The following CUBN variants were observed in gnomAD, a reference collection of about 807,000 sequenced individuals.
CUBN encodes cubilin, also known as 460 kDa receptor.
CUBN carries 282 observed loss-of-function variants against 405.3 expected under a neutral mutation model. That is an observed-to-expected ratio of 0.70 (90% CI 0.63 to 0.77). CUBN has a LOEUF of 0.77. CUBN is among the 30% of genes least tolerant of loss of function. CUBN has a pLI of 0.00. For missense variants in CUBN, 4,514 were observed against 4,475.2 expected (o/e 1.01, Z -0.25); for synonymous variants, 1,684 against 1,617.0 (o/e 1.04, Z -0.99).
At position 17,126,806 on chromosome 10, in the gene CUBN, A is replaced by G. The variant is rs758285781; in HGVS notation, c.349-7T>C. 8 of 1,614,160 alleles carry G rather than the reference A, an allele frequency of 5.0e-6. No homozygotes were observed. The Admixed American group carries it at 6.7e-5, about 13-fold the overall frequency. ...TTCTCTCAAGATCCACCAGCTGGCA[A>G]TAGGGAAGAAAAAGCTTCAGTTAGC... On this transcript the variant is annotated splice_region_variant and splice_polypyrimidine_tract_variant and intron_variant, in intron 3 of 66. Coordinates refer to ENST00000377833, the MANE Select transcript of CUBN (RefSeq NM_001081.4).
chr10:16,897,511 C>T (rs1012230977), intron 54 of CUBN, among the ~76,000 whole-genome samples: 1 of 152,022 alleles, frequency 6.6e-6, no homozygotes, highest in African/African-American at 2.4e-5. Flanking sequence ...CTACCAATAC[C>T]CCCGGGTACC....
At chr10:17,022,732 T>TCTAGGGCATGA (rs1177411433) in intron 27 of CUBN, among the ~76,000 whole-genome samples, 2 of 152,178 alleles carry the variant, frequency 1.3e-5, no homozygotes, top group East Asian at 3.9e-4. Flanking sequence ...CTAAACTAAT[T>TCTAGGGCATGA]AGCACAGAAA....
chr10:17,105,549 G>C lies in CUBN; in HGVS notation c.1138C>G (p.Pro380Ala). Residue 380 changes from proline (P) to alanine (A), a missense_variant, in exon 11 of 67, where the codon CCG becomes GCG. Coordinates refer to ENST00000377833, the MANE Select transcript of CUBN (RefSeq NM_001081.4). ...LGSLPLCTCL[P>A]GYTGNGYGPN... ...CCATAACCATTTCCAGTATAACCCGGGAGACACGTGCAGAGAGGTAAGGAA... is the reference window on the plus strand; with the variant it reads ...CCATAACCATTTCCAGTATAACCCGCGAGACACGTGCAGAGAGGTAAGGAA... 1 of 1,608,698 alleles carries C rather than the reference G, an allele frequency of 6.2e-7. No individual in the cohort carries two copies.
chr10:16,929,041 C>T (rs536804746), intron 40 of CUBN, among the ~76,000 whole-genome samples: 2 of 151,630 alleles, frequency 1.3e-5, no homozygotes. Flanking sequence ...TCAGATCCTA[C>T]ACTAATGTTA....
In CUBN at chr10:16,919,983, G is replaced by C. The variant is rs542353518; in HGVS notation, c.6801C>G (p.Phe2267Leu). 2 of 1,613,234 alleles carry C rather than the reference G, an allele frequency of 1.2e-6. No individual in the cohort carries two copies. Among genetic ancestry groups the C allele is most frequent in the Admixed American group, 3.3e-5 (2 of 59,962 alleles). Residue 2267 changes from phenylalanine to leucine, a missense_variant, in exon 44 of 67, where the codon TTC (phenylalanine) becomes TTG (leucine). Coordinates refer to ENST00000377833, the MANE Select transcript of CUBN (RefSeq NM_001081.4). ...TRIQLQFEDR[F>L]DIEVTPNCTS... The stretch of plus-strand genomic sequence containing the variant: ...CATACTTGGGTGTTACTTCAATATC[G>C]AATCGATCTTCAAATTGCAGCTGTA...
chr10:16,840,918 C>G lies in CUBN; in HGVS notation c.9793G>C (p.Glu3265Gln), dbSNP rs181069086. The change falls in exon 61 of 67, where the codon GAA (glutamate) becomes CAA (glutamine). Residue 3265 changes from glutamate (E) to glutamine (Q), a missense_variant. Around this residue, in one of 5 missense-constraint regions of CUBN, gnomAD observed 1,186 missense variants for 1,186.9 expected, o/e 1.00. Transcript: ENST00000377833. ...ATGGTGTATGTAGCATTAAATCCTT[C>G]CCTCTCTAATGTTAAGTCACTGATG... The part of the protein sequence containing the change: ...QFISDLTLER[E>Q]GFNATYTIMD... 5 of 1,612,938 alleles carry G rather than the reference C, an allele frequency of 3.1e-6. No individual in the cohort carries two copies. In the South Asian group the frequency reaches 5.5e-5, roughly 18 times the overall value.
At chr10:16,850,560 C>T (rs1300531718) in intron 60 of CUBN, among the ~76,000 whole-genome samples, 1 of 152,172 alleles carries the variant, frequency 6.6e-6, no homozygotes, top group Non-Finnish European at 1.5e-5. Context: ...CAACCTCCAC[C>T]TCCCGGGTTC....
At chr10:17,045,215 C>T in intron 24 of CUBN, 27 bp from the exon 25 acceptor site, 1 of 1,608,772 alleles carries the variant, frequency 6.2e-7, no homozygotes, top group Admixed American at 1.7e-5. Flanking sequence ...TGGAATGACA[C>T]ACACCCCTTT....
rs775785286 is a variant in CUBN at position 17,105,469 on chromosome 10, A to T, written c.1218T>A (p.Asn406Lys). Residue 406 changes from asparagine (N) to lysine (K), a missense_variant, in exon 11 of 67, where the codon AAT becomes AAA. Transcript: ENST00000377833. ...ACAAAGGACTCACGATGCATTGTCC[A>T]TTTAGACAGGGGTGACTTAGGCAAA... ...SNICLSHPCL[N>K]GQCIDTVSGY... is the part of the protein sequence containing the mutation. The T allele has an allele frequency of 6.3e-7, 1 of 1,589,306 alleles. No homozygotes were observed. The highest frequency in any genetic ancestry group is 8.6e-7 in the Non-Finnish European group (1 of 1,157,104).
At chr10:17,086,698 A>C (rs973191615) in intron 15 of CUBN, among the ~76,000 whole-genome samples, 4 of 152,214 alleles carry the variant, frequency 2.6e-5, no homozygotes, top group African/African-American at 9.6e-5. Context: ...CAATGAACTA[A>C]AGAATATTTT....
In CUBN at chr10:17,109,729, T is replaced by C. The variant is rs149517557; in HGVS notation, c.1022A>G (p.Gln341Arg). 2.3e-5 allele frequency: 37 copies of C among 1,613,458 alleles called. No individual in the cohort carries two copies. The highest frequency in any genetic ancestry group is 1.7e-4 in the Middle Eastern group (1 of 5,892). ...SHCQACPPGY[Q>R]GDGRVCTLTD... ...GAGTGTGCACACTCTTCCGTCACCC[T>C]GGTACCCTGATGAGAACAAGAGCCA... The change falls in exon 10 of 67, where the codon CAG becomes CGG. Residue 341 changes from glutamine to arginine, a missense_variant. Gln to Arg is a conservative substitution (Grantham distance 43). This residue lies in a region of CUBN where 1,448 missense variants were observed against 1,388.0 expected (regional missense o/e 1.04). Transcript: ENST00000377833.
intron 60 of CUBN, among the ~76,000 whole-genome samples, chr10:16,850,190 G>A (rs1425884944): frequency 6.6e-6 from 1 of 152,128 alleles, no homozygotes; most frequent in Admixed American, 6.5e-5. Context: ...ATTGCTTCAA[G>A]CCTGCATCGA....
chr10:17,108,697 A>G (rs1166085473), intron 10 of CUBN, among the ~76,000 whole-genome samples: 1 of 152,178 alleles, frequency 6.6e-6, no homozygotes, highest in Non-Finnish European at 1.5e-5. Flanking sequence ...CCTAAACATG[A>G]CTGTGAAGGG....
At chr10:16,926,516 G>A (rs914592790) in intron 41 of CUBN, among the ~76,000 whole-genome samples, 2 of 152,040 alleles carry the variant, frequency 1.3e-5, no homozygotes, top group African/African-American at 2.4e-5. Flanking sequence ...AATAAGGAGG[G>A]GACCGCCTGA....
At chr10:16,947,435 G>T in intron 35 of CUBN, 68 bp from the exon 36 acceptor site, 1 of 1,494,170 alleles carries the variant, frequency 6.7e-7, no homozygotes, top group East Asian at 2.3e-5. Flanking sequence ...AAATAAAGGA[G>T]AAAGAACGCT....
Position 17,071,854 on chromosome 10 carries a change from C to G in CUBN, c.2419G>C (p.Ala807Pro), listed in dbSNP as rs763440363. The change falls in exon 18 of 67, where the codon GCT (alanine) becomes CCT (proline). Residue 807 changes from alanine (A) to proline (P), a missense_variant. Transcript: ENST00000377833. ...ACTTGATAAACAGCTCTGAAACTAG[C>G]TTTTTCAACAGAAGCATCTATTTTA... ...RFKIDASVEK[A>P]SFRAVYQVAC... The G allele has an allele frequency of 1.2e-6, 2 of 1,612,734 alleles. No individual in the cohort carries two copies. Among genetic ancestry groups the G allele is most frequent in the Non-Finnish European group, 1.7e-6 (2 of 1,179,740 alleles).
At chr10:17,071,332 C>T in intron 19 of CUBN, 94 bp downstream of exon 19, 7 of 1,354,858 alleles carry the variant, frequency 5.2e-6, no homozygotes, top group Non-Finnish European at 7.2e-6. Context: ...ACATAAACTA[C>T]TTTCATTTCC....
At chr10:16,831,220 G>C in intron 65 of CUBN, 32 bp downstream of exon 65, 1 of 1,606,972 alleles carries the variant, frequency 6.2e-7, no homozygotes, top group East Asian at 2.2e-5. Context: ...TTTTCTCACA[G>C]TGCTTTCCTG....
At chr10:16,962,150 T>A (rs1843243988) in intron 31 of CUBN, among the ~76,000 whole-genome samples, 1 of 152,186 alleles carries the variant, frequency 6.6e-6, no homozygotes, top group Non-Finnish European at 1.5e-5. Flanking sequence ...AATTTCTTAA[T>A]CTGCAAAATT....
Sources: gnomAD v4.1 joint callset for allele counts (sites outside exome capture counted in the v4.1 genomes callset) on GRCh38, gnomAD v4.1.1 for gene constraint, gnomAD v4.1.1 regional missense constraint, MANE v1.5 for transcripts, NCBI Gene and HGNC (gene_info 2026-07-23, HGNC 2026-07-21) for gene names.